Variants in GPHN observed in about 807,000 individuals in gnomAD.
The protein encoded by GPHN is gephyrin.
Under a neutral mutation model 95.5 loss-of-function variants are expected in GPHN, and 17 were observed. The ratio of observed to expected loss-of-function variants is 0.18; its 90% CI spans 0.12 to 0.27. GPHN has a LOEUF of 0.27. Among genes scored for constraint, GPHN ranks in the 10% least tolerant of loss-of-function variants. GPHN has a pLI of 1.00. For synonymous variants in GPHN, 320 were observed against 322.5 expected (o/e 0.99, Z 0.08); for missense variants, 660 against 978.1 (o/e 0.67, Z 4.34).
At chr14:66,904,801 T>C (rs1275434663) in intron 5 of GPHN, among the ~76,000 whole-genome samples, 1 of 152,158 alleles carries the variant, frequency 6.6e-6, no homozygotes, top group Non-Finnish European at 1.5e-5. Flanking sequence ...AAGTTGTTCA[T>C]TGAGCTCATT....
the GPHN span, chr14:67,690,295 T>A: frequency 6.2e-7 from 1 of 1,614,196 alleles, no homozygotes; most frequent in East Asian, 2.2e-5. Flanking sequence ...ATTGTAGAAT[T>A]TCTCGCCCTG....
chr14:67,166,758 C>T (rs968729341), intron 20 of GPHN, among the ~76,000 whole-genome samples: 8 of 152,214 alleles, frequency 5.3e-5, no homozygotes, highest in African/African-American at 1.9e-4. Context: ...CAACCTCTGC[C>T]TCCTAGGCTC....
intron 8 of GPHN, among the ~76,000 whole-genome samples, chr14:66,926,078 A>G (rs1316342424): frequency 6.6e-6 from 1 of 152,054 alleles, no homozygotes; most frequent in East Asian, 1.9e-4. Context: ...CAGATCTTTT[A>G]CCCATTTTTA....
intron 10 of GPHN, among the ~76,000 whole-genome samples, chr14:67,036,651 A>G (rs1342565187): frequency 1.3e-5 from 2 of 151,916 alleles, no homozygotes; most frequent in Non-Finnish European, 2.9e-5. Context: ...TGAATGATTA[A>G]CAATCTGAAA....
At chr14:66,728,001 T>C (rs1029588313) in intron 2 of GPHN, among the ~76,000 whole-genome samples, 1 of 152,122 alleles carries the variant, frequency 6.6e-6, no homozygotes, top group African/African-American at 2.4e-5. Flanking sequence ...CCATGGTCCC[T>C]GTATTGTGTG....
intron 8 of GPHN, among the ~76,000 whole-genome samples, chr14:66,927,102 A>C (rs2066521108): frequency 6.6e-6 from 1 of 152,124 alleles, no homozygotes. Context: ...ACATGTAAGC[A>C]CTTTGGGAGG....
chr14:67,261,839 G>T, the GPHN span, among the ~76,000 whole-genome samples: 1 of 152,088 alleles, frequency 6.6e-6, no homozygotes, highest in African/African-American at 2.4e-5. Flanking sequence ...CTTGTAGTCT[G>T]TTAGCATATG....
chr14:67,426,186 G>A, the GPHN span, among the ~76,000 whole-genome samples: 1,164 of 152,078 alleles, frequency 7.7e-3, 10 homozygotes, highest in African/African-American at 0.027. Context: ...CTTTTCCTGC[G>A]GAGAGACAAG....
At chr14:66,736,685 G>A (rs994898666) in intron 2 of GPHN, among the ~76,000 whole-genome samples, 5 of 152,028 alleles carry the variant, frequency 3.3e-5, no homozygotes, top group East Asian at 3.9e-4. Flanking sequence ...GATTACATAC[G>A]TGAGCCACTG....
rs181693956 is a variant in GPHN at position 66,623,357 on chromosome 14, G to A, written c.65-57750G>A. Among the ~76,000 whole-genome samples the A allele has an allele frequency of 6.6e-4, 100 of 152,236 alleles. 1 individual carries two copies. The highest frequency in any genetic ancestry group is 1.2e-3 in the Admixed American group (18 of 15,300). On this transcript the variant is annotated intron_variant, in intron 1 of 22. Transcript: ENST00000478722. Reference sequence around the variant, plus strand: ...TTACAATTGAGGATGAGATTTGGGTGGGGACACAGCCAAACCATATCAGCC... The same window carrying A: ...TTACAATTGAGGATGAGATTTGGGTAGGGACACAGCCAAACCATATCAGCC...
chr14:67,374,908 T>C, the GPHN span, among the ~76,000 whole-genome samples: 2 of 152,176 alleles, frequency 1.3e-5, no homozygotes, highest in African/African-American at 2.4e-5. Context: ...TTGGCCAAAA[T>C]ACAGTTCTTG....
At chr14:67,559,571 T>G in the GPHN span, 1 of 1,408,230 alleles carries the variant, frequency 7.1e-7, no homozygotes, top group Non-Finnish European at 9.9e-7. Context: ...CTCCTGGTGA[T>G]TGTTGGGATT....
chr14:66,543,435 T>C (rs1279588372), intron 1 of GPHN, among the ~76,000 whole-genome samples: 2 of 152,210 alleles, frequency 1.3e-5, no homozygotes, highest in East Asian at 1.9e-4. Flanking sequence ...AAAAATCTTC[T>C]GCACTCACTT....
At chr14:67,421,601 G>C in the GPHN span, among the ~76,000 whole-genome samples, 4 of 152,180 alleles carry the variant, frequency 2.6e-5, no homozygotes, top group African/African-American at 9.7e-5. Context: ...ATACCAAAGA[G>C]AGTGTGAGCC....
chr14:67,602,391 G>A, the GPHN span, among the ~76,000 whole-genome samples: 1 of 152,190 alleles, frequency 6.6e-6, no homozygotes, highest in African/African-American at 2.4e-5. Flanking sequence ...AATTTGACAT[G>A]AGATTTGGGT....
the GPHN span, among the ~76,000 whole-genome samples, chr14:67,662,869 C>T: frequency 6.9e-6 from 1 of 145,804 alleles, no homozygotes; most frequent in East Asian, 2.0e-4. Flanking sequence ...CGCCATTGCA[C>T]TCCAGCCTGG....
At chr14:67,220,737 C>G in the GPHN span, among the ~76,000 whole-genome samples, 1 of 152,070 alleles carries the variant, frequency 6.6e-6, no homozygotes, top group Non-Finnish European at 1.5e-5. Context: ...GTACATTTAC[C>G]TGATGCTTCT....
chr14:66,890,954 A>T (rs1567066199), intron 5 of GPHN, among the ~76,000 whole-genome samples: 1 of 152,110 alleles, frequency 6.6e-6, no homozygotes, highest in Non-Finnish European at 1.5e-5. Flanking sequence ...GCCTTATGTA[A>T]AAAACCCACA....
the GPHN span, chr14:67,729,882 A>T: frequency 2.0e-5 from 9 of 449,766 alleles, no homozygotes; most frequent in African/African-American, 1.6e-4. Context: ...ATGAGCAACT[A>T]GAGTCTGGGA....
Sources: allele counts gnomAD v4.1 joint callset (sites outside exome capture counted in the v4.1 genomes callset), GRCh38; gene constraint gnomAD v4.1.1; transcripts MANE v1.5; gene names NCBI Gene and HGNC (gene_info 2026-07-23, HGNC 2026-07-21).